RPTOR: variants seen among roughly 807,000 people sequenced by gnomAD.
RPTOR encodes the protein regulatory associated protein of MTOR complex 1.
RPTOR carries 21 observed loss-of-function variants against 169.9 expected under a neutral mutation model. The observed-to-expected ratio is 0.12, with a 90% CI of 0.09 to 0.18. The LOEUF (loss-of-function observed/expected upper bound fraction) is 0.18. RPTOR is among the 10% of genes least tolerant of loss of function. The pLI is 1.00. For synonymous variants in RPTOR, 732 were observed against 753.2 expected (o/e 0.97, Z 0.46); for missense variants, 1,133 against 1,855.9 (o/e 0.61, Z 7.16).
intron 5 of RPTOR, among the ~76,000 whole-genome samples, chr17:80,731,402 TAA>T (rs931128996): frequency 1.4e-5 from 2 of 144,830 alleles, no homozygotes; most frequent in Non-Finnish European, 3.0e-5. Context: ...TCTGTTGTGT[TAA>T]AAAAAAAAAA....
chr17:80,717,379 A>G (rs1482022248), intron 4 of RPTOR, among the ~76,000 whole-genome samples: 2 of 152,226 alleles, frequency 1.3e-5, no homozygotes, highest in Non-Finnish European at 2.9e-5. Context: ...AGGAAATGGT[A>G]ATTCAATGTT....
chr17:80,723,060 A>C (rs1442402402), intron 4 of RPTOR, among the ~76,000 whole-genome samples: 1 of 151,204 alleles, frequency 6.6e-6, no homozygotes, highest in Non-Finnish European at 1.5e-5. Context: ...TTGAGGATCA[A>C]AGTTTTGGGA....
intron 5 of RPTOR, among the ~76,000 whole-genome samples, chr17:80,732,623 T>C (rs888220522): frequency 1.3e-5 from 2 of 152,260 alleles, no homozygotes; most frequent in Non-Finnish European, 2.9e-5. Context: ...TTAGCTCTGA[T>C]TTTTATCTTC....
intron 3 of RPTOR, among the ~76,000 whole-genome samples, chr17:80,691,788 T>A (rs1187562789): frequency 6.6e-6 from 1 of 152,216 alleles, no homozygotes. Context: ...TTGACCCTTG[T>A]TCAGCCCCCT....
chr17:80,730,138 G>A lies in RPTOR; in HGVS notation c.508-422G>A, dbSNP rs1022863686. On this transcript the variant is annotated intron_variant, in intron 4 of 33. Transcript: ENST00000306801. This position sits in a 1 kb window ranked among gnomAD's most constrained non-coding sequence, Gnocchi z 4.2. ...TTTTTGTTTTTTGAGACTGAGTCTCGCTCTGTTGCCCAGGCTGGAGTGCAG... is the reference window on the plus strand; with the variant it reads ...TTTTTGTTTTTTGAGACTGAGTCTCACTCTGTTGCCCAGGCTGGAGTGCAG... 2.6e-5 allele frequency among the ~76,000 whole-genome samples: 4 copies of A among 152,268 alleles called. No homozygotes were observed. The highest frequency in any genetic ancestry group is 7.2e-5 in the African/African-American group (3 of 41,558).
intron 10 of RPTOR, 105 bp from the exon 11 acceptor site, chr17:80,846,368 G>A (rs538906954): frequency 3.3e-4 from 373 of 1,122,594 alleles, no homozygotes; most frequent in Admixed American, 1.3e-3. Context: ...CCTGCAGGGC[G>A]GGCCCTTCGT....
chr17:80,698,349 A>C (rs1237234344), intron 3 of RPTOR, among the ~76,000 whole-genome samples: 1 of 150,232 alleles, frequency 6.7e-6, no homozygotes. Flanking sequence ...ATCTAGGTAC[A>C]GCAACCACGT....
intron 1 of RPTOR, among the ~76,000 whole-genome samples, chr17:80,590,035 C>T (rs2065091884): frequency 6.6e-6 from 1 of 152,254 alleles, no homozygotes; most frequent in South Asian, 2.1e-4. Context: ...AGGCAATCTC[C>T]ATCAGATTAA....
chr17:80,671,385 TC>T lies in RPTOR; in HGVS notation c.348+27576del, dbSNP rs1310468311. On this transcript the variant is annotated intron_variant, in intron 3 of 33. Coordinates refer to ENST00000306801, the MANE Select transcript of RPTOR (RefSeq NM_020761.3). ...TCAAAACACTCTGTAATTATTGGGT[TC>T]TTCTTTCCTCTTGCCAGAACACTCT... 7.9e-5 allele frequency among the ~76,000 whole-genome samples: 12 copies of T among 152,332 alleles called. No individual in the cohort carries two copies. The East Asian group carries it at 9.6e-4, about 12-fold the overall frequency.
intron 28 of RPTOR, among the ~76,000 whole-genome samples, chr17:80,952,647 G>A (rs1433859917): frequency 3.9e-5 from 6 of 152,074 alleles, no homozygotes; most frequent in South Asian, 2.1e-4. Context: ...CCATGTGCTC[G>A]TTCTCACCTT....
At chr17:80,778,709 G>A (rs528599705) in intron 6 of RPTOR, among the ~76,000 whole-genome samples, 28 of 152,258 alleles carry the variant, frequency 1.8e-4, no homozygotes, top group African/African-American at 6.5e-4. Context: ...GGAGGCAGGA[G>A]GATGACTAGA....
chr17:80,699,531 C>G (rs1265507084), intron 3 of RPTOR, among the ~76,000 whole-genome samples: 1 of 116,706 alleles, frequency 8.6e-6, no homozygotes, highest in Non-Finnish European at 1.7e-5. Context: ...TGATGGGGAG[C>G]TAGAGGTGCT....
At chr17:80,877,886 CAGCCCATAA>C (rs1365423694) in intron 13 of RPTOR, among the ~76,000 whole-genome samples, 37 of 152,290 alleles carry the variant, frequency 2.4e-4, no homozygotes, top group Middle Eastern at 3.4e-3. Context: ...TCCAGCAGCC[CAGCCCATAA>C]CCCGCCTCAT....
chr17:80,642,314 G>A (rs888005392), intron 2 of RPTOR, among the ~76,000 whole-genome samples: 2 of 151,986 alleles, frequency 1.3e-5, no homozygotes, highest in African/African-American at 2.4e-5. Flanking sequence ...CAGAAGAGAC[G>A]GAGTTTCATG....
chr17:80,665,552 CCTTTCCTTTCCT>C (rs2065771633), intron 3 of RPTOR, among the ~76,000 whole-genome samples: 2 of 145,430 alleles, frequency 1.4e-5, no homozygotes, highest in Non-Finnish European at 3.0e-5. Context: ...TTTCCTTTCC[CCTTTCCTTTCCT>C]GACAGAGTCT....
intron 1 of RPTOR, among the ~76,000 whole-genome samples, chr17:80,577,846 T>C (rs1336909384): frequency 6.6e-6 from 1 of 152,216 alleles, no homozygotes. Context: ...CTTTGTAATC[T>C]GGAAGACCTA....
chr17:80,702,189 G>T (rs975990922), intron 3 of RPTOR, among the ~76,000 whole-genome samples: 1 of 151,994 alleles, frequency 6.6e-6, no homozygotes, highest in African/African-American at 2.4e-5. Flanking sequence ...ATGAAATTTG[G>T]AGCTGCATTT....
At chr17:80,608,714 C>A (rs982005485) in intron 1 of RPTOR, among the ~76,000 whole-genome samples, 4 of 152,146 alleles carry the variant, frequency 2.6e-5, no homozygotes, top group African/African-American at 7.2e-5. Flanking sequence ...GGGGCACTTT[C>A]CCCCCTTCTT....
intron 6 of RPTOR, among the ~76,000 whole-genome samples, chr17:80,781,414 C>G (rs563748783): frequency 6.6e-6 from 1 of 152,170 alleles, no homozygotes; most frequent in Non-Finnish European, 1.5e-5. Context: ...CCCTTCTTCC[C>G]GGAGGGTACC....
Sources: allele counts gnomAD v4.1 joint callset (sites outside exome capture counted in the v4.1 genomes callset), GRCh38; gene constraint gnomAD v4.1.1; non-coding constraint Gnocchi (gnomAD v3.1); transcripts MANE v1.5; gene names NCBI Gene and HGNC (gene_info 2026-07-23, HGNC 2026-07-21).